The following NELL1 variants were observed in gnomAD, a reference collection of about 807,000 sequenced individuals.
The protein encoded by NELL1 is protein kinase C-binding protein NELL1.
NELL1 carries 76 observed loss-of-function variants against 107.4 expected under a neutral mutation model. The observed-to-expected ratio is 0.71, with a 90% CI of 0.59 to 0.86. The LOEUF is 0.86. Ranked by LOEUF, NELL1 falls within the 40% of genes least tolerant of loss-of-function variation. The pLI is 0.00. For synonymous variants in NELL1, 353 were observed against 341.2 expected (o/e 1.03, Z -0.38); for missense variants, 1,024 against 1,005.5 (o/e 1.02, Z -0.25).
intron 13 of NELL1, among the ~76,000 whole-genome samples, chr11:21,220,578 A>C (rs1857730515): frequency 6.6e-6 from 1 of 152,020 alleles, no homozygotes; most frequent in African/African-American, 2.4e-5. Context: ...TTTATTATAG[A>C]GATCTCTCAC....
At chr11:20,697,246 G>A (rs1236681803) in intron 2 of NELL1, among the ~76,000 whole-genome samples, 1 of 151,990 alleles carries the variant, frequency 6.6e-6, no homozygotes, top group Non-Finnish European at 1.5e-5. Flanking sequence ...TGCTTTGAGT[G>A]GTACTCAGAG....
intron 15 of NELL1, among the ~76,000 whole-genome samples, chr11:21,398,617 G>A (rs1295276535): frequency 6.6e-6 from 1 of 151,714 alleles, no homozygotes; most frequent in Admixed American, 6.6e-5. Context: ...GAGGAGGGCA[G>A]TTAGAAGGAG....
intron 14 of NELL1, among the ~76,000 whole-genome samples, chr11:21,322,411 C>T (rs112051837): frequency 1.2e-3 from 176 of 152,004 alleles, no homozygotes; most frequent in African/African-American, 3.9e-3. Context: ...GGGCATACAC[C>T]CATTTGTCCT....
intron 13 of NELL1, among the ~76,000 whole-genome samples, chr11:21,213,821 T>C (rs954152194): frequency 1.3e-5 from 2 of 152,124 alleles, no homozygotes; most frequent in Admixed American, 1.3e-4. Context: ...ACCTTATACC[T>C]TATCAAAAAT....
At chr11:20,782,499 C>T (rs542392766) in intron 2 of NELL1, among the ~76,000 whole-genome samples, 2 of 152,334 alleles carry the variant, frequency 1.3e-5, no homozygotes, top group South Asian at 4.1e-4. Flanking sequence ...TCTACCCCCT[C>T]ATTTTGCAGA....
intron 14 of NELL1, among the ~76,000 whole-genome samples, chr11:21,272,840 T>A (rs2959169): frequency 1 from 152,305 of 152,342 alleles, 76,135 homozygotes; most frequent in Middle Eastern, 1. Flanking sequence ...GCAGCTGAGG[T>A]TCCTGACTGT....
chr11:21,407,362 GC>G (rs1852261537), intron 15 of NELL1, among the ~76,000 whole-genome samples: 1 of 151,996 alleles, frequency 6.6e-6, no homozygotes, highest in South Asian at 2.1e-4. Context: ...GCTTCAGTAA[GC>G]CTTGATTGCA....
chr11:20,799,248 G>A (rs1857234251), intron 3 of NELL1, among the ~76,000 whole-genome samples: 1 of 152,158 alleles, frequency 6.6e-6, no homozygotes, highest in African/African-American at 2.4e-5. Flanking sequence ...TTAGTTGAGG[G>A]TGATGAAAGG....
At chr11:21,557,948 C>T (rs1315823373) in intron 16 of NELL1, among the ~76,000 whole-genome samples, 1 of 151,980 alleles carries the variant, frequency 6.6e-6, no homozygotes, top group African/African-American at 2.4e-5. Context: ...TCAATGAGCT[C>T]ACTCTCTCTG....
intron 15 of NELL1, among the ~76,000 whole-genome samples, chr11:21,518,364 A>T (rs555747806): frequency 6.6e-6 from 1 of 152,198 alleles, no homozygotes; most frequent in Non-Finnish European, 1.5e-5. Flanking sequence ...TTCAGTTCTC[A>T]TTCAGGGCTG....
intron 14 of NELL1, among the ~76,000 whole-genome samples, chr11:21,282,394 C>A (rs1017347659): frequency 6.7e-6 from 1 of 149,552 alleles, no homozygotes; most frequent in Non-Finnish European, 1.5e-5. Context: ...GCACGGGAAT[C>A]GCTTGAGCTT....
chr11:20,878,492 TTCTATC>T lies in NELL1; in HGVS notation c.507-6942_507-6937del, dbSNP rs201130217. ...GTTGTCTGCCTGATAGATTCAAATTTTCTATCTCTATCTCTTTTCCGGGTGAGAGAC... is the reference window on the plus strand; with the variant it reads ...GTTGTCTGCCTGATAGATTCAAATTTTCTATCTCTTTTCCGGGTGAGAGAC... On this transcript the variant is annotated intron_variant, in intron 4 of 19. Transcript: ENST00000357134. Among the ~76,000 whole-genome samples, 1,454 of 152,256 alleles carry T rather than the reference TTCTATC, an allele frequency of 9.5e-3. 23 individuals carry two copies. The highest frequency in any genetic ancestry group is 0.033 in the African/African-American group (1,387 of 41,530).
intron 3 of NELL1, among the ~76,000 whole-genome samples, chr11:20,811,203 A>G (rs1374358133): frequency 1.3e-5 from 2 of 152,184 alleles, no homozygotes; most frequent in East Asian, 1.9e-4. Context: ...ATTATTTTGC[A>G]TTTGGGTATC....
intron 16 of NELL1, among the ~76,000 whole-genome samples, chr11:21,555,534 CT>C (rs1004900412): frequency 2.0e-5 from 3 of 151,796 alleles, no homozygotes; most frequent in Non-Finnish European, 2.9e-5. Context: ...AAAAGAGAGT[CT>C]CCTTAATTAA....
At chr11:20,929,508 G>T (rs75418602) in intron 9 of NELL1, among the ~76,000 whole-genome samples, 4,791 of 151,788 alleles carry the variant, frequency 0.032, 202 homozygotes, top group East Asian at 0.15. Context: ...GCTCTAAAGA[G>T]AAGAACTTTC....
Position 21,189,199 on chromosome 11 carries a change from C to T in NELL1, c.1427-40133C>T, listed in dbSNP as rs540862641. On this transcript the variant is annotated intron_variant, in intron 13 of 19. Coordinates refer to ENST00000357134, the MANE Select transcript of NELL1 (RefSeq NM_006157.5). ...CATTGTATGAATAGTTCACAATTTA[C>T]TTATCCTTTTTCCTGATGACTAGTT... Among the ~76,000 whole-genome samples the T allele has an allele frequency of 4.6e-5, 7 of 151,904 alleles. No homozygotes were observed. In the South Asian group the frequency reaches 1.2e-3, roughly 27 times the overall value.
At chr11:20,943,284 G>A (rs941200087) in intron 10 of NELL1, among the ~76,000 whole-genome samples, 7 of 152,062 alleles carry the variant, frequency 4.6e-5, no homozygotes, top group African/African-American at 1.7e-4. Context: ...TATCTTCCAG[G>A]CACAATTTAA....
chr11:21,230,201 C>A (rs565391470), intron 14 of NELL1, among the ~76,000 whole-genome samples: 1 of 152,168 alleles, frequency 6.6e-6, no homozygotes, highest in African/African-American at 2.4e-5. Flanking sequence ...TTTTTCTTCA[C>A]AAACAACCTG....
intron 12 of NELL1, among the ~76,000 whole-genome samples, chr11:21,102,409 A>T (rs557918648): frequency 3.3e-5 from 5 of 152,244 alleles, no homozygotes; most frequent in African/African-American, 1.2e-4. Context: ...TGTAGAGGTT[A>T]GAAGCACCAC....
Sources: allele counts gnomAD v4.1 joint callset (sites outside exome capture counted in the v4.1 genomes callset), GRCh38; gene constraint gnomAD v4.1.1; transcripts MANE v1.5; gene names NCBI Gene and HGNC (gene_info 2026-07-23, HGNC 2026-07-21).